Variants in C6orf62 observed in about 807,000 individuals in gnomAD.
C6orf62 encodes uncharacterized protein C6orf62.
A neutral mutation model predicts 26.8 loss-of-function variants in C6orf62; 16 were observed. The ratio of observed to expected loss-of-function variants is 0.60; its 90% CI spans 0.40 to 0.91. C6orf62 has a LOEUF of 0.91. C6orf62 is among the 40% of genes least tolerant of loss of function. The pLI, the probability that C6orf62 is intolerant of heterozygous loss-of-function variation, is 0.00. For missense variants in C6orf62, 192 were observed against 271.4 expected (o/e 0.71, Z 2.06); for synonymous variants, 112 against 91.5 (o/e 1.22, Z -1.28).
At position 24,719,088 on chromosome 6, in the gene C6orf62, C is replaced by T; in HGVS notation, c.-420G>A. On this transcript the variant is annotated 5_prime_UTR_variant, in exon 1 of 5. Coordinates refer to ENST00000378119, the MANE Select transcript of C6orf62 (RefSeq NM_030939.5). ...ACCAGACCAATCCCTAAAATCCATC[C>T]GGATTTTCCCCCCTTTTTAGAAAAG... 1.0e-6 allele frequency: 1 copy of T among 987,200 alleles called. No individual in the cohort carries two copies. The highest frequency in any genetic ancestry group is 4.4e-5 in the South Asian group (1 of 22,494). 61.2% of individuals were successfully genotyped at this position (987,200 alleles called of 1,614,324 possible).
intron 1 of C6orf62, among the ~76,000 whole-genome samples, chr6:24,717,457 T>G (rs1158313142): frequency 1.3e-5 from 2 of 152,190 alleles, no homozygotes; most frequent in African/African-American, 4.8e-5. Context: ...ATGCTATACT[T>G]CAGCAGCTAA....
intron 4 of C6orf62, among the ~76,000 whole-genome samples, chr6:24,708,272 C>A (rs1779052160): frequency 7.4e-6 from 1 of 135,090 alleles, no homozygotes; most frequent in South Asian, 2.4e-4. Flanking sequence ...AAAAAAAAGG[C>A]TTGCCAGGTT....
chr6:24,719,993 T>C (rs1362854267), upstream of C6orf62: 3 of 1,537,342 alleles, frequency 2.0e-6, no homozygotes, highest in Non-Finnish European at 2.6e-6. Context: ...ATAATTGTGT[T>C]AATATTACTT....
At position 24,719,001 on chromosome 6, in the gene C6orf62, G is replaced by A. The variant is rs193000599; in HGVS notation, c.-333C>T. On this transcript the variant is annotated 5_prime_UTR_variant, in exon 1 of 5. Transcript: ENST00000378119. Reference sequence around the variant, plus strand: ...ATTTGGCTTAACTGCCAAAATAAAGGCTTTGCGGAGAAATGAAAAGCCTAT... The same window carrying A: ...ATTTGGCTTAACTGCCAAAATAAAGACTTTGCGGAGAAATGAAAAGCCTAT... 8.3e-5 allele frequency: 94 copies of A among 1,127,822 alleles called. No individual in the cohort carries two copies. The highest frequency in any genetic ancestry group is 2.4e-4 in the East Asian group (3 of 12,754). 69.9% of individuals were successfully genotyped at this position (1,127,822 alleles called of 1,614,324 possible). A position where few individuals can be genotyped will look rare whatever the true frequency, so the allele number is the denominator to read the frequency against.
intron 2 of C6orf62, among the ~76,000 whole-genome samples, chr6:24,715,654 C>T (rs1779210275): frequency 6.6e-6 from 1 of 152,000 alleles, no homozygotes; most frequent in Non-Finnish European, 1.5e-5. Context: ...CCAGACCAGC[C>T]TAGCCAACAT....
At chr6:24,707,928 G>A (rs1356714051) in intron 4 of C6orf62, among the ~76,000 whole-genome samples, 4 of 151,658 alleles carry the variant, frequency 2.6e-5, no homozygotes, top group South Asian at 2.1e-4. Flanking sequence ...GGAGAATGGC[G>A]TGAACCCGGA....
chr6:24,719,543 AAGG>A (rs1052031592), upstream of C6orf62: 1 of 1,191,780 alleles, frequency 8.4e-7, no homozygotes, highest in Non-Finnish European at 1.0e-6. Flanking sequence ...CGCTGCTGCC[AAGG>A]AGAATCATGA....
rs1779002791 is a variant in C6orf62 at position 24,706,102 on chromosome 6, A to G, written c.*35T>C. On this transcript the variant is annotated 3_prime_UTR_variant, in exon 5 of 5. Transcript: ENST00000378119. ...AAACAAGAAAAAAAACTGCTGCTGC[A>G]TTCTCTGATCTTCTCCATTTTGCTG... The G allele has an allele frequency of 1.2e-6, 2 of 1,602,662 alleles. No individual in the cohort carries two copies. The highest frequency in any genetic ancestry group is 1.7e-6 in the Non-Finnish European group (2 of 1,174,092).
At position 24,714,394 on chromosome 6, in the gene C6orf62, C is replaced by T; in HGVS notation, c.353G>A (p.Arg118Gln). The change falls in exon 3 of 5, where the codon CGG (arginine) becomes CAG (glutamine). Residue 118 changes from arginine to glutamine, a missense_variant. Arg to Gln is a conservative substitution (Grantham distance 43). Coordinates refer to ENST00000378119, the MANE Select transcript of C6orf62 (RefSeq NM_030939.5). ...TQEMDFILWP[R>Q]NDIEKIVCLL... Reference sequence around the variant, plus strand: ...ACAGACGATTTTTTCAATATCATTCCGAGGCCAAAGAATGAAATCCATCTC... The same window carrying T: ...ACAGACGATTTTTTCAATATCATTCTGAGGCCAAAGAATGAAATCCATCTC... 1 of 1,609,232 alleles carries T rather than the reference C, an allele frequency of 6.2e-7. No homozygotes were observed. The highest frequency in any genetic ancestry group is 8.5e-7 in the Non-Finnish European group (1 of 1,177,164).
intron 2 of C6orf62, among the ~76,000 whole-genome samples, chr6:24,715,773 G>A (rs990845926): frequency 4.0e-5 from 6 of 150,330 alleles, no homozygotes; most frequent in Admixed American, 6.7e-5. Flanking sequence ...ATTTGAATGC[G>A]CGAGGGCAGA....
intron 3 of C6orf62, among the ~76,000 whole-genome samples, chr6:24,712,014 T>C (rs909740448): frequency 1.3e-5 from 2 of 152,222 alleles, no homozygotes; most frequent in African/African-American, 4.8e-5. Context: ...TTGGGCCTTA[T>C]TTACCTAATT....
intron 1 of C6orf62, among the ~76,000 whole-genome samples, chr6:24,718,123 G>A (rs1779270805): frequency 6.6e-6 from 1 of 152,252 alleles, no homozygotes; most frequent in African/African-American, 2.4e-5. Context: ...CCTACATTAC[G>A]CAGTTTAAGA....
At chr6:24,717,519 C>T (rs1779257538) in intron 1 of C6orf62, among the ~76,000 whole-genome samples, 1 of 152,180 alleles carries the variant, frequency 6.6e-6, no homozygotes. Context: ...TGGGGCTGTG[C>T]GTGGCAGCTC....
upstream of C6orf62, chr6:24,720,080 G>A: frequency 8.3e-7 from 1 of 1,202,160 alleles, no homozygotes; most frequent in Non-Finnish European, 1.0e-6. Flanking sequence ...AACAGACCAT[G>A]TTTCCAGAGT....
rs541276644 is a variant in C6orf62 at position 24,712,392 on chromosome 6, C to T, written c.429+1926G>A. Among the ~76,000 whole-genome samples the T allele has an allele frequency of 6.3e-4, 95 of 151,478 alleles. 1 individual carries two copies. The highest frequency in any genetic ancestry group is 9.7e-4 in the Non-Finnish European group (66 of 67,896). ...GCAAGACCCTGTCTCAAAAAAAGGA[C>T]GGGCATGGTGGCTCATACCTGTAAT... On this transcript the variant is annotated intron_variant, in intron 3 of 4. Coordinates refer to ENST00000378119, the MANE Select transcript of C6orf62 (RefSeq NM_030939.5).
intron 3 of C6orf62, among the ~76,000 whole-genome samples, chr6:24,711,353 C>T (rs1001716151): frequency 6.6e-6 from 1 of 152,076 alleles, no homozygotes; most frequent in Admixed American, 6.6e-5. Context: ...CTAACCTTGG[C>T]AGTAGCATTA....
chr6:24,710,615 CAGTA>C (rs1779102186), intron 3 of C6orf62: 1 of 983,778 alleles, frequency 1.0e-6, no homozygotes, highest in Non-Finnish European at 1.2e-6. Flanking sequence ...AAAAAAGTAA[CAGTA>C]AGTAACACGG....
rs1779293989 is a variant in C6orf62, at chr6:24,718,917, A to G, written c.-249T>C. The G allele has an allele frequency of 1.3e-5, 17 of 1,281,406 alleles. No homozygotes were observed. The highest frequency in any genetic ancestry group is 1.7e-5 in the Non-Finnish European group (17 of 1,014,362). 79.4% of individuals were successfully genotyped at this position (1,281,406 alleles called of 1,614,324 possible). ...ACAATAACGTTTGGGGTCAGACGGG[A>G]AAAAGGGAGGAAAGAAAGGAAAGAA... On this transcript the variant is annotated 5_prime_UTR_variant, in exon 1 of 5. Coordinates refer to ENST00000378119, the MANE Select transcript of C6orf62 (RefSeq NM_030939.5).
At chr6:24,709,563 A>T in intron 3 of C6orf62, 1 of 984,990 alleles carries the variant, frequency 1.0e-6, no homozygotes, top group Non-Finnish European at 1.2e-6. Context: ...GGTTAAATGA[A>T]ATGTAAAGCC....
Sources: gnomAD v4.1 joint callset for allele counts (sites outside exome capture counted in the v4.1 genomes callset) on GRCh38, gnomAD v4.1.1 for gene constraint, MANE v1.5 for transcripts, NCBI Gene and HGNC (gene_info 2026-07-23, HGNC 2026-07-21) for gene names.